The following CCDC149 variants were observed in gnomAD, a reference collection of about 807,000 sequenced individuals.
CCDC149 encodes coiled-coil domain containing 149, also known as coiled-coil domain-containing protein 149.
Under a neutral mutation model 59.9 loss-of-function variants are expected in CCDC149, and 45 were observed. That is an observed-to-expected ratio of 0.75 (90% CI 0.59 to 0.96). The LOEUF is 0.96. Among genes scored for constraint, CCDC149 ranks in the 40% least tolerant of loss-of-function variants. The pLI is 0.00. For synonymous variants in CCDC149, 245 were observed against 260.6 expected, an observed-to-expected ratio of 0.94 and a Z score of 0.58; for missense variants, 584 against 664.7, an observed-to-expected ratio of 0.88 and a Z score of 1.33.
At chr4:24,967,209 A>C (rs568657535) in intron 1 of CCDC149, among the ~76,000 whole-genome samples, 1 of 152,292 alleles carries the variant, frequency 6.6e-6, no homozygotes, top group East Asian at 1.9e-4. Flanking sequence ...GGACATATGC[A>C]TCACCAGCCT....
chr4:24,922,880 C>A (rs1014646527), intron 1 of CCDC149, among the ~76,000 whole-genome samples: 3 of 151,992 alleles, frequency 2.0e-5, no homozygotes, highest in African/African-American at 7.2e-5. Context: ...AATCATTGGA[C>A]CAAAAATGTC....
chr4:24,943,181 TA>T (rs1722999200), intron 1 of CCDC149, among the ~76,000 whole-genome samples: 1 of 152,182 alleles, frequency 6.6e-6, no homozygotes, highest in South Asian at 2.1e-4. Flanking sequence ...AACAGCATGG[TA>T]CTGGTACCAA....
upstream of CCDC149, among the ~76,000 whole-genome samples, chr4:24,917,385 G>A (rs565034046): frequency 1.0e-3 from 158 of 152,342 alleles, no homozygotes; most frequent in Non-Finnish European, 1.5e-3. Flanking sequence ...ATGACGGCCT[G>A]GCAGGCCGGG....
intron 1 of CCDC149, among the ~76,000 whole-genome samples, chr4:24,959,394 T>C (rs1723573413): frequency 6.6e-6 from 1 of 152,322 alleles, no homozygotes; most frequent in South Asian, 2.1e-4. Flanking sequence ...TTCTCCTTGA[T>C]ATGAGTTGTG....
rs1323049808 is a variant in CCDC149 at position 24,922,334 on chromosome 4, A to T, written c.-64-27216T>A. On this transcript the variant is annotated intron_variant, in intron 1 of 12. Coordinates refer to the CCDC149 transcript ENST00000389609. The stretch of plus-strand genomic sequence containing the variant: ...GAGAATGTTCACTTTGTGTAGGTCC[A>T]CTAGGTCCCAGTGAATGCATCACCA... Among the ~76,000 whole-genome samples, 5 of 152,024 alleles carry T rather than the reference A, an allele frequency of 3.3e-5. No individual in the cohort carries two copies. The East Asian group carries it at 9.7e-4, about 29-fold the overall frequency.
chr4:24,831,370 A>T, intron 9 of CCDC149, 136 bp downstream of exon 9: 1 of 820,830 alleles, frequency 1.2e-6, no homozygotes, highest in Non-Finnish European at 2.0e-6. Context: ...ATTCTAGTTT[A>T]ATAAGTTTCC....
chr4:24,909,771 T>C (rs1241447016), intron 1 of CCDC149, among the ~76,000 whole-genome samples: 1 of 152,158 alleles, frequency 6.6e-6, no homozygotes, highest in Non-Finnish European at 1.5e-5. Context: ...CTGCAGAAGC[T>C]CTCTCTCTTT....
At chr4:24,906,195 T>C (rs1050588734) in intron 1 of CCDC149, among the ~76,000 whole-genome samples, 1 of 151,974 alleles carries the variant, frequency 6.6e-6, no homozygotes, top group Non-Finnish European at 1.5e-5. Context: ...CCCTAACAAA[T>C]ACACCTTTAT....
intron 1 of CCDC149, among the ~76,000 whole-genome samples, chr4:24,901,643 C>T (rs1027549009): frequency 2.6e-5 from 4 of 152,130 alleles, no homozygotes; most frequent in Non-Finnish European, 4.4e-5. Flanking sequence ...AGCTGCTCAT[C>T]GAAAATGTTC....
At chr4:24,908,542 A>G (rs1721676209) in intron 1 of CCDC149, among the ~76,000 whole-genome samples, 1 of 152,072 alleles carries the variant, frequency 6.6e-6, no homozygotes, top group African/African-American at 2.4e-5. Context: ...AAAAAAAAAA[A>G]AAAAAAAATT....
chr4:24,823,487 T>C (rs1028380213), intron 9 of CCDC149, among the ~76,000 whole-genome samples: 3 of 152,232 alleles, frequency 2.0e-5, no homozygotes, highest in African/African-American at 7.2e-5. Context: ...AACCAGTCTT[T>C]ATTTTATTTG....
chr4:24,853,018 C>T, intron 4 of CCDC149, 54 bp downstream of exon 4: 1 of 1,131,676 alleles, frequency 8.8e-7, no homozygotes, highest in Non-Finnish European at 1.3e-6. Context: ...AATATATAAA[C>T]CTCGAACGCA....
intron 1 of CCDC149, among the ~76,000 whole-genome samples, chr4:24,976,058 G>A (rs1003255846): frequency 1.3e-5 from 2 of 151,732 alleles, no homozygotes; most frequent in Non-Finnish European, 2.9e-5. Context: ...GGAGGGAAGT[G>A]GAAAAGAGAG....
In CCDC149 at chr4:24,808,232, C is replaced by T. The variant is rs1057100998; in HGVS notation, c.*157G>A. The T allele has an allele frequency of 1.2e-5, 7 of 573,330 alleles. No individual in the cohort carries two copies. The African/African-American group carries it at 1.3e-4, about 11-fold the overall frequency. The allele number at this position is 573,330 out of a possible 1,614,324, so 35.5% of individuals were successfully genotyped here. ...ATAAATCAAACTGTACTGGCATCAT[C>T]AGAATATTCACAGTTTGCAACAGGA... On this transcript the variant is annotated 3_prime_UTR_variant, in exon 13 of 13. Transcript: ENST00000635206.
At chr4:24,893,533 T>C (rs55639240) in intron 1 of CCDC149, among the ~76,000 whole-genome samples, 11,296 of 150,866 alleles carry the variant, frequency 0.075, 547 homozygotes, top group Middle Eastern at 0.11. Context: ...CAAAAGTAAG[T>C]AAGCAGTACA....
chr4:24,874,447 C>T (rs367627822), intron 2 of CCDC149, among the ~76,000 whole-genome samples: 17 of 151,578 alleles, frequency 1.1e-4, no homozygotes, highest in African/African-American at 2.7e-4. Context: ...CCAGATGTGG[C>T]GGCGGGTGCC....
chr4:24,893,613 C>CTTTTTTTTTTTTTTCTTTTTTT (rs1720658414), intron 1 of CCDC149, among the ~76,000 whole-genome samples: 1 of 65,876 alleles, frequency 1.5e-5, no homozygotes, highest in East Asian at 5.9e-4. Context: ...AAAATACAGA[C>CTTTTTTTTTTTTTTCTTTTTTT]TTTTTTTTTT....
At chr4:24,974,590 T>G (rs10212990) in intron 1 of CCDC149, among the ~76,000 whole-genome samples, 108,490 of 152,098 alleles carry the variant, frequency 0.71, 38,936 homozygotes, top group African/African-American at 0.76. Flanking sequence ...ATGGCTTTCT[T>G]TTTTCCTTCT....
chr4:24,858,664 C>T (rs1718184505), intron 3 of CCDC149, among the ~76,000 whole-genome samples: 1 of 152,184 alleles, frequency 6.6e-6, no homozygotes, highest in Admixed American at 6.5e-5. Flanking sequence ...ACAACTCAAT[C>T]CCCAATTATA....
Sources: gnomAD v4.1 joint callset for allele counts (sites outside exome capture counted in the v4.1 genomes callset) on GRCh38, gnomAD v4.1.1 for gene constraint, MANE v1.5 for transcripts, NCBI Gene and HGNC (gene_info 2026-07-23, HGNC 2026-07-21) for gene names.